Variants in PRKN observed in about 807,000 individuals in gnomAD.
PRKN encodes the protein E3 ubiquitin-protein ligase parkin.
PRKN carries 56 observed loss-of-function variants against 59.5 expected under a neutral mutation model. The observed-to-expected ratio is 0.94, with a 90% CI of 0.76 to 1.18. The LOEUF is 1.18. Ranked by LOEUF, PRKN falls within the 50% of genes most tolerant of loss-of-function variation. The pLI, the probability that PRKN is intolerant of heterozygous loss-of-function variation, is 0.00. For missense variants in PRKN, 657 were observed against 596.4 expected, an observed-to-expected ratio of 1.10 and a Z score of -1.06; for synonymous variants, 250 against 222.1, an observed-to-expected ratio of 1.13 and a Z score of -1.12.
At chr6:161,847,361 C>A (rs540580241) in intron 6 of PRKN, among the ~76,000 whole-genome samples, 3 of 152,046 alleles carry the variant, frequency 2.0e-5, no homozygotes, top group African/African-American at 7.2e-5. Flanking sequence ...AAAGCTGGCA[C>A]AGAAATGCAA....
At chr6:162,161,537 C>T (rs1272856093) in intron 4 of PRKN, among the ~76,000 whole-genome samples, 1 of 152,190 alleles carries the variant, frequency 6.6e-6, no homozygotes, top group Non-Finnish European at 1.5e-5. Context: ...AAATCTCACG[C>T]CACCTTGCTC....
intron 1 of PRKN, among the ~76,000 whole-genome samples, chr6:162,621,630 T>A (rs1159784523): frequency 2.0e-5 from 3 of 152,350 alleles, no homozygotes; most frequent in South Asian, 4.1e-4. Flanking sequence ...TTAATTGACA[T>A]AGACTATTTC....
chr6:162,709,375 CTT>C (rs34492695), intron 1 of PRKN, among the ~76,000 whole-genome samples: 94,032 of 147,686 alleles, frequency 0.64, 31,135 homozygotes, highest in African/African-American at 0.83. Flanking sequence ...GGTCTGAACA[CTT>C]TTTTTTTTTT....
intron 4 of PRKN, among the ~76,000 whole-genome samples, chr6:162,152,335 A>T (rs560656272): frequency 2.6e-5 from 4 of 152,268 alleles, no homozygotes; most frequent in African/African-American, 9.6e-5. Flanking sequence ...AAGCTTCTAG[A>T]ACCAGTGGAA....
chr6:162,394,349 T>C (rs1787368420), intron 2 of PRKN, among the ~76,000 whole-genome samples: 1 of 152,118 alleles, frequency 6.6e-6, no homozygotes. Flanking sequence ...GAGCTTCGGG[T>C]GTGATACAGA....
chr6:162,441,951 C>T (rs1188717745), intron 2 of PRKN, among the ~76,000 whole-genome samples: 3 of 151,622 alleles, frequency 2.0e-5, no homozygotes, highest in Non-Finnish European at 2.9e-5. Flanking sequence ...GTGAAGGAAA[C>T]ATCCTTGGAT....
At position 161,407,399 on chromosome 6, in the gene PRKN, T is replaced by C. The variant is rs1787327470; in HGVS notation, c.1084-20522A>G. On this transcript the variant is annotated intron_variant, in intron 9 of 11. Coordinates refer to ENST00000366898, the MANE Select transcript of PRKN (RefSeq NM_004562.3). This position sits in a 1 kb window ranked among gnomAD's most constrained non-coding sequence, Gnocchi z 4.9. The stretch of plus-strand genomic sequence containing the variant: ...ACTGGCACAATTGTTTGCTGGGAGG[T>C]AATTTAACAGGACTGAAATGCCTCC... Among the ~76,000 whole-genome samples the C allele has an allele frequency of 1.3e-5, 2 of 151,960 alleles. No homozygotes were observed. The highest frequency in any genetic ancestry group is 3.9e-4 in the East Asian group (2 of 5,186).
Position 161,718,638 on chromosome 6 carries a change from A to T in PRKN, c.871+67134T>A, listed in dbSNP as rs1222281839. 4.6e-5 allele frequency among the ~76,000 whole-genome samples: 7 copies of T among 152,026 alleles called. No individual in the cohort carries two copies. The East Asian group carries it at 1.4e-3, about 29-fold the overall frequency. On this transcript the variant is annotated intron_variant, in intron 7 of 11. Coordinates refer to ENST00000366898, the MANE Select transcript of PRKN (RefSeq NM_004562.3). ...AGAGAAACAGCCCAGTGGCCTCGGGACTATCCCTAGCAGGCACCTGCCAGT... is the reference window on the plus strand; with the variant it reads ...AGAGAAACAGCCCAGTGGCCTCGGGTCTATCCCTAGCAGGCACCTGCCAGT...
chr6:162,251,562 G>C (rs1162958802), intron 3 of PRKN, among the ~76,000 whole-genome samples: 1 of 152,140 alleles, frequency 6.6e-6, no homozygotes, highest in Non-Finnish European at 1.5e-5. Flanking sequence ...ATCTTAAATA[G>C]TAATACATAT....
At chr6:162,188,730 T>G (rs537045484) in intron 4 of PRKN, among the ~76,000 whole-genome samples, 96 of 151,968 alleles carry the variant, frequency 6.3e-4, no homozygotes, top group African/African-American at 2.3e-3. Context: ...TCATTGTAGC[T>G]GCTTTAAACA....
At chr6:162,007,765 A>G (rs1161710464) in intron 5 of PRKN, among the ~76,000 whole-genome samples, 1 of 152,188 alleles carries the variant, frequency 6.6e-6, no homozygotes, top group Non-Finnish European at 1.5e-5. Flanking sequence ...TATGGTTCCA[A>G]ATCAATTCGA....
rs1784590904 is a variant in PRKN at position 161,352,566 on chromosome 6, TTATTA to T, written c.1286-2360_1286-2356del. On this transcript the variant is annotated intron_variant, in intron 11 of 11. Coordinates refer to ENST00000366898, the MANE Select transcript of PRKN (RefSeq NM_004562.3). This position sits in a 1 kb window ranked among gnomAD's most constrained non-coding sequence, Gnocchi z 5.8. Reference sequence around the variant, plus strand: ...ATTTTATCATATCATAAATATATCATTATTATATCATGTATCGTAAAATATATTCA... The same window carrying T: ...ATTTTATCATATCATAAATATATCATTATCATGTATCGTAAAATATATTCA... 1.3e-5 allele frequency among the ~76,000 whole-genome samples: 2 copies of T among 151,596 alleles called. No homozygotes were observed. The highest frequency in any genetic ancestry group is 6.6e-5 in the Admixed American group (1 of 15,196).
chr6:162,617,452 G>C (rs1017477647), intron 1 of PRKN, among the ~76,000 whole-genome samples: 2 of 152,214 alleles, frequency 1.3e-5, no homozygotes, highest in East Asian at 1.9e-4. Flanking sequence ...GGCTGGTCTT[G>C]AACTCCCGAC....
intron 1 of PRKN, among the ~76,000 whole-genome samples, chr6:162,711,662 G>C (rs1443854337): frequency 1.3e-5 from 2 of 152,204 alleles, no homozygotes; most frequent in Non-Finnish European, 2.9e-5. Context: ...GTGACACTAT[G>C]TGGCTTAATC....
chr6:162,399,902 A>G (rs73033882), intron 2 of PRKN, among the ~76,000 whole-genome samples: 10,652 of 152,178 alleles, frequency 0.07, 725 homozygotes, highest in East Asian at 0.38. Flanking sequence ...TATGATTTGG[A>G]AAAAAAAGAA....
At chr6:161,969,265 T>C (rs1780704542) in intron 6 of PRKN, among the ~76,000 whole-genome samples, 1 of 133,162 alleles carries the variant, frequency 7.5e-6, no homozygotes, top group Non-Finnish European at 1.6e-5. Context: ...TTCAGTCTTA[T>C]TTGTTTTTTT....
intron 2 of PRKN, among the ~76,000 whole-genome samples, chr6:162,365,944 T>C (rs1196388500): frequency 3.3e-5 from 5 of 152,160 alleles, no homozygotes; most frequent in Non-Finnish European, 7.4e-5. Flanking sequence ...GAAGTATACT[T>C]CAACTTGGAT....
At position 161,614,937 on chromosome 6, in the gene PRKN, AT is replaced by A. The variant is rs913564861; in HGVS notation, c.872-45522del. Among the ~76,000 whole-genome samples, 98 of 149,280 alleles carry A rather than the reference AT, an allele frequency of 6.6e-4. 1 individual carries two copies. Among genetic ancestry groups the A allele is most frequent in the African/African-American group, 1.7e-3 (68 of 40,008 alleles). On this transcript the variant is annotated intron_variant, in intron 7 of 11. Coordinates refer to ENST00000366898, the MANE Select transcript of PRKN (RefSeq NM_004562.3). ...CCCTTGGCAACAACAGCAGTTTCTT[AT>A]TTTTAGTTTTCTGGGAGAGGAAGAC...
At chr6:162,630,054 C>G (rs1281300525) in intron 1 of PRKN, among the ~76,000 whole-genome samples, 1 of 152,022 alleles carries the variant, frequency 6.6e-6, no homozygotes, top group Non-Finnish European at 1.5e-5. Flanking sequence ...CAACTGTGCA[C>G]GATGGTCTGC....
Sources: allele counts gnomAD v4.1 joint callset (sites outside exome capture counted in the v4.1 genomes callset), GRCh38; gene constraint gnomAD v4.1.1; non-coding constraint Gnocchi (gnomAD v3.1); transcripts MANE v1.5; gene names NCBI Gene and HGNC (gene_info 2026-07-23, HGNC 2026-07-21).